The following ELMO1 variants were observed in gnomAD, a reference collection of about 807,000 sequenced individuals.
The protein encoded by ELMO1 is engulfment and cell motility protein 1.
ELMO1 carries 26 observed loss-of-function variants against 98.9 expected under a neutral mutation model. The observed-to-expected ratio is 0.26, with a 90% CI of 0.19 to 0.36. ELMO1 has a LOEUF of 0.36. ELMO1 is among the 10% of genes least tolerant of loss of function. The pLI is 1.00. For missense variants in ELMO1, 627 were observed against 935.2 expected (o/e 0.67, Z 4.30); for synonymous variants, 346 against 346.0 (o/e 1.00, Z 0.00).
chr7:37,087,201 A>G (rs1457526763), intron 15 of ELMO1, among the ~76,000 whole-genome samples: 2 of 152,176 alleles, frequency 1.3e-5, no homozygotes, highest in Non-Finnish European at 2.9e-5. Context: ...AAACCACATT[A>G]GCTTATCCTT....
intron 15 of ELMO1, among the ~76,000 whole-genome samples, chr7:37,020,009 G>A (rs1794174778): frequency 6.6e-6 from 1 of 152,168 alleles, no homozygotes; most frequent in Non-Finnish European, 1.5e-5. Context: ...TTTTCACTGG[G>A]TAATGTGTAG....
intron 17 of ELMO1, among the ~76,000 whole-genome samples, chr7:36,894,197 A>G (rs1805789626): frequency 6.6e-6 from 1 of 152,216 alleles, no homozygotes; most frequent in Non-Finnish European, 1.5e-5. Context: ...AATACCCCTC[A>G]TGTGTGAGTT....
At chr7:37,159,079 C>T (rs1400923631) in intron 13 of ELMO1, among the ~76,000 whole-genome samples, 2 of 152,200 alleles carry the variant, frequency 1.3e-5, no homozygotes, top group East Asian at 1.9e-4. Flanking sequence ...CCACATGTTC[C>T]CACGCATAAG....
At chr7:36,864,531 G>A (rs1802878943) in intron 20 of ELMO1, among the ~76,000 whole-genome samples, 1 of 152,204 alleles carries the variant, frequency 6.6e-6, no homozygotes, top group South Asian at 2.1e-4. Context: ...GATGTCTCTG[G>A]CTTGCTGTTG....
intron 1 of ELMO1, among the ~76,000 whole-genome samples, chr7:37,383,883 T>G (rs1310876262): frequency 1.3e-5 from 2 of 152,188 alleles, no homozygotes; most frequent in African/African-American, 4.8e-5. Context: ...TGGCGCGATC[T>G]CGGCTCACTG....
chr7:37,085,236 C>T (rs992156652), intron 15 of ELMO1, among the ~76,000 whole-genome samples: 2 of 152,216 alleles, frequency 1.3e-5, no homozygotes, highest in Non-Finnish European at 2.9e-5. Context: ...CCCCTAACTA[C>T]TGCAGACTCC....
At chr7:36,891,940 C>A (rs1007442006) in intron 17 of ELMO1, among the ~76,000 whole-genome samples, 4 of 152,112 alleles carry the variant, frequency 2.6e-5, no homozygotes, top group Admixed American at 2.0e-4. Context: ...CTTTTTATAT[C>A]CATTAACTCC....
At chr7:36,963,473 C>G (rs1201021211) in intron 16 of ELMO1, among the ~76,000 whole-genome samples, 1 of 152,090 alleles carries the variant, frequency 6.6e-6, no homozygotes, top group Non-Finnish European at 1.5e-5. Context: ...AAAGGGACCA[C>G]AGAAAAGTTG....
chr7:37,037,733 C>A (rs1158269676), intron 15 of ELMO1, among the ~76,000 whole-genome samples: 1 of 152,154 alleles, frequency 6.6e-6, no homozygotes, highest in South Asian at 2.1e-4. Flanking sequence ...CCCTCACCAA[C>A]CCAAAACATA....
intron 4 of ELMO1, among the ~76,000 whole-genome samples, chr7:37,311,002 TCTCC>T (rs901980940): frequency 6.7e-6 from 1 of 149,768 alleles, no homozygotes; most frequent in Non-Finnish European, 1.5e-5. Context: ...TTTTTTATTC[TCTCC>T]CTCTCTCTCT....
chr7:37,386,268 G>A (rs904270409), intron 1 of ELMO1, among the ~76,000 whole-genome samples: 2 of 152,150 alleles, frequency 1.3e-5, no homozygotes, highest in African/African-American at 4.8e-5. Flanking sequence ...AGCTGGGGAG[G>A]GAGGGCTGGA....
intron 1 of ELMO1, among the ~76,000 whole-genome samples, chr7:37,439,360 AGC>A (rs764353317): frequency 6.6e-6 from 1 of 152,182 alleles, no homozygotes; most frequent in Non-Finnish European, 1.5e-5. Flanking sequence ...CTTAATACTC[AGC>A]TTTCCAGATC....
chr7:37,124,056 A>C (rs1349810334), intron 14 of ELMO1, among the ~76,000 whole-genome samples: 1 of 152,228 alleles, frequency 6.6e-6, no homozygotes, highest in African/African-American at 2.4e-5. Flanking sequence ...ACCTCAACAG[A>C]TGCAGAAAAG....
chr7:37,101,686 T>C (rs963969812), intron 14 of ELMO1, among the ~76,000 whole-genome samples: 3 of 151,848 alleles, frequency 2.0e-5, no homozygotes, highest in Non-Finnish European at 4.4e-5. Flanking sequence ...CCTGCCTCAG[T>C]ATCTTATCAG....
intron 1 of ELMO1, among the ~76,000 whole-genome samples, chr7:37,417,966 A>G (rs1229140207): frequency 6.6e-6 from 1 of 152,190 alleles, no homozygotes; most frequent in Admixed American, 6.5e-5. Flanking sequence ...CAGAAGCTGG[A>G]AGGGGCAAGG....
chr7:37,176,889 C>T (rs189389694), intron 13 of ELMO1, among the ~76,000 whole-genome samples: 2 of 152,284 alleles, frequency 1.3e-5, no homozygotes, highest in Admixed American at 6.5e-5. Flanking sequence ...ATATAATCAA[C>T]GTCAGACAAT....
At chr7:37,230,755 T>C (rs1199795003) in intron 8 of ELMO1, among the ~76,000 whole-genome samples, 2 of 152,172 alleles carry the variant, frequency 1.3e-5, no homozygotes, top group Non-Finnish European at 2.9e-5. Context: ...AAAGTTAAAA[T>C]GTTTGTTAAG....
Position 37,400,064 on chromosome 7 carries a change from T to C in ELMO1, c.-74+48611A>G, listed in dbSNP as rs1170255074. On this transcript the variant is annotated intron_variant, in intron 1 of 21. Coordinates refer to ENST00000310758, the MANE Select transcript of ELMO1 (RefSeq NM_014800.11). ...AGCTCCAGCTCTGACACTTCCTAGCTATTTAATATGGTACAAGTTTGATGT... is the reference window on the plus strand; with the variant it reads ...AGCTCCAGCTCTGACACTTCCTAGCCATTTAATATGGTACAAGTTTGATGT... Among the ~76,000 whole-genome samples, 4 of 152,228 alleles carry C rather than the reference T, an allele frequency of 2.6e-5. No individual in the cohort carries two copies. The East Asian group carries it at 7.7e-4, about 29-fold the overall frequency.
At chr7:36,891,892 A>G (rs897593140) in intron 17 of ELMO1, among the ~76,000 whole-genome samples, 1 of 152,142 alleles carries the variant, frequency 6.6e-6, no homozygotes, top group Non-Finnish European at 1.5e-5. Context: ...CTTCCTCTCC[A>G]GCATAGTGTT....
Sources: allele counts gnomAD v4.1 joint callset (sites outside exome capture counted in the v4.1 genomes callset), GRCh38; gene constraint gnomAD v4.1.1; transcripts MANE v1.5; gene names NCBI Gene and HGNC (gene_info 2026-07-23, HGNC 2026-07-21).